The following ASIC2 variants were observed in gnomAD, a reference collection of about 807,000 sequenced individuals.
ASIC2 encodes acid sensing ion channel subunit 2, also known as acid-sensing ion channel 2.
In ASIC2, 25 loss-of-function variants were observed where a neutral mutation model predicts 57.3. That is an observed-to-expected ratio of 0.44 (90% confidence interval 0.32 to 0.61). The LOEUF (loss-of-function observed/expected upper bound fraction) is 0.61, where lower values mean the gene tolerates loss of function less well. Among genes scored for constraint, ASIC2 ranks in the 20% least tolerant of loss-of-function variants. ASIC2 has a pLI of 0.06. For missense variants in ASIC2, 641 were observed against 738.1 expected (o/e 0.87, Z 1.52); for synonymous variants, 319 against 307.5 (o/e 1.04, Z -0.39).
intron 3 of ASIC2, 126 bp downstream of exon 3, chr17:33,088,737 A>C: frequency 7.4e-7 from 1 of 1,342,412 alleles, no homozygotes; most frequent in Admixed American, 3.3e-5. Flanking sequence ...AAGGTTAGCC[A>C]ACATCTTTCT....
At chr17:34,127,121 A>G (rs1165246727) in intron 1 of ASIC2, among the ~76,000 whole-genome samples, 3 of 152,162 alleles carry the variant, frequency 2.0e-5, no homozygotes, top group Non-Finnish European at 4.4e-5. Flanking sequence ...CAGTCACACA[A>G]CTCAAATCAG....
chr17:33,156,443 A>C (rs1450659285), intron 1 of ASIC2, among the ~76,000 whole-genome samples: 1 of 152,100 alleles, frequency 6.6e-6, no homozygotes, highest in Non-Finnish European at 1.5e-5. Flanking sequence ...TTTAAAAATG[A>C]TCAGCTTTTA....
At chr17:33,069,466 GA>G (rs2092058346) in intron 3 of ASIC2, among the ~76,000 whole-genome samples, 1 of 152,012 alleles carries the variant, frequency 6.6e-6, no homozygotes, top group East Asian at 1.9e-4. Flanking sequence ...TGGATTTGTT[GA>G]TTTTTTTTTG....
intron 1 of ASIC2, among the ~76,000 whole-genome samples, chr17:33,262,369 G>A (rs559383884): frequency 3.1e-4 from 47 of 150,922 alleles, no homozygotes; most frequent in African/African-American, 1.1e-3. Context: ...GAGGGAGGGA[G>A]AGAGGGAGGG....
chr17:34,056,810 C>G (rs187612101), intron 1 of ASIC2, among the ~76,000 whole-genome samples: 2 of 152,334 alleles, frequency 1.3e-5, no homozygotes, highest in African/African-American at 4.8e-5. Context: ...CTCCAAATTG[C>G]AAAAATCCCA....
intron 1 of ASIC2, among the ~76,000 whole-genome samples, chr17:33,605,659 C>G (rs1008212187): frequency 6.6e-6 from 1 of 152,166 alleles, no homozygotes; most frequent in Non-Finnish European, 1.5e-5. Flanking sequence ...TATACTATTG[C>G]TCTGCATGAA....
chr17:33,700,494 G>A (rs1043365680), intron 1 of ASIC2, among the ~76,000 whole-genome samples: 1 of 152,168 alleles, frequency 6.6e-6, no homozygotes, highest in Non-Finnish European at 1.5e-5. Context: ...AATTGAGGCA[G>A]CAGACAGCAT....
At chr17:33,380,261 A>G (rs536673676) in intron 1 of ASIC2, among the ~76,000 whole-genome samples, 27 of 150,260 alleles carry the variant, frequency 1.8e-4, no homozygotes, top group Non-Finnish European at 2.7e-4. Flanking sequence ...AAAAAAAAAA[A>G]AAAAAAAGAA....
In ASIC2 at chr17:33,824,094, A is replaced by G. The variant is rs117970613; in HGVS notation, c.555+331884T>C. 4.2e-3 allele frequency among the ~76,000 whole-genome samples: 645 copies of G among 152,318 alleles called. 16 individuals carry two copies. The East Asian group carries it at 0.059, about 14-fold the overall frequency. Reference sequence around the variant, plus strand: ...TGGAGATTATAAGGAAATGACCCACAGGAACCATTCTTATAAGGGAGAGGA... The same window carrying G: ...TGGAGATTATAAGGAAATGACCCACGGGAACCATTCTTATAAGGGAGAGGA... On this transcript the variant is annotated intron_variant, in intron 1 of 9. Transcript: ENST00000359872.
intron 3 of ASIC2, among the ~76,000 whole-genome samples, chr17:33,073,135 A>G (rs1455159664): frequency 1.3e-5 from 2 of 152,210 alleles, no homozygotes; most frequent in Non-Finnish European, 2.9e-5. Flanking sequence ...CGGGAGCAAA[A>G]TCAGGACACA....
intron 1 of ASIC2, among the ~76,000 whole-genome samples, chr17:34,032,797 C>T (rs573735630): frequency 3.9e-5 from 6 of 152,314 alleles, no homozygotes; most frequent in Admixed American, 6.5e-5. Context: ...GGGATCAATG[C>T]AACAAGAAGA....
chr17:33,116,823 C>T (rs1455654296), intron 1 of ASIC2, among the ~76,000 whole-genome samples: 1 of 152,058 alleles, frequency 6.6e-6, no homozygotes, highest in Non-Finnish European at 1.5e-5. Context: ...TTTGTGCTGA[C>T]CCCAGATTGG....
chr17:33,366,947 A>G (rs1908833408), intron 1 of ASIC2, among the ~76,000 whole-genome samples: 1 of 152,258 alleles, frequency 6.6e-6, no homozygotes, highest in Non-Finnish European at 1.5e-5. Context: ...AAATAGTTTC[A>G]CTTTCAGTGT....
intron 1 of ASIC2, among the ~76,000 whole-genome samples, chr17:34,065,696 A>C (rs1237204515): frequency 6.6e-6 from 1 of 152,196 alleles, no homozygotes; most frequent in Non-Finnish European, 1.5e-5. Context: ...TTTTGCCTAC[A>C]GTCTTGATCA....
intron 1 of ASIC2, among the ~76,000 whole-genome samples, chr17:33,594,914 T>G (rs956789853): frequency 6.6e-6 from 1 of 151,386 alleles, no homozygotes; most frequent in African/African-American, 2.4e-5. Context: ...GTCACACAAT[T>G]TTTTTTTGAA....
intron 1 of ASIC2, among the ~76,000 whole-genome samples, chr17:33,751,627 G>A (rs1888880278): frequency 6.6e-6 from 1 of 151,816 alleles, no homozygotes; most frequent in South Asian, 2.1e-4. Flanking sequence ...CATCCCTCAC[G>A]CTTTCATCCA....
intron 1 of ASIC2, among the ~76,000 whole-genome samples, chr17:34,075,717 C>T (rs780935211): frequency 9.2e-5 from 14 of 152,218 alleles, no homozygotes; most frequent in Admixed American, 4.6e-4. Flanking sequence ...ATTCCTCAGC[C>T]GTCCCAGTCA....
intron 1 of ASIC2, chr17:33,530,028 T>C (rs1915001191): frequency 6.6e-6 from 1 of 152,180 alleles, no homozygotes; most frequent in South Asian, 2.1e-4. Context: ...TAGTACAAAG[T>C]AGGTCCAGGA....
chr17:33,097,033 C>T (rs1567743390), intron 2 of ASIC2, among the ~76,000 whole-genome samples: 1 of 152,350 alleles, frequency 6.6e-6, no homozygotes, highest in East Asian at 1.9e-4. Context: ...GAGAGGTCAG[C>T]TGGCCCTAGC....
Sources: gnomAD v4.1 joint callset for allele counts (sites outside exome capture counted in the v4.1 genomes callset) on GRCh38, gnomAD v4.1.1 for gene constraint, MANE v1.5 for transcripts, NCBI Gene and HGNC (gene_info 2026-07-23, HGNC 2026-07-21) for gene names.